The following LOC400499 variants were observed in gnomAD, a reference collection of about 807,000 sequenced individuals.
At chr16:11,374,896 T>C in the LOC400499 span, among the ~76,000 whole-genome samples, 4 of 152,208 alleles carry the variant, frequency 2.6e-5, no homozygotes. Context: ...TCACCCAGGC[T>C]GGAATGCGGT....
At chr16:11,483,570 T>A in the LOC400499 span, among the ~76,000 whole-genome samples, 5 of 152,160 alleles carry the variant, frequency 3.3e-5, no homozygotes, top group Admixed American at 6.5e-5. Flanking sequence ...ATGCTTTTTT[T>A]AAAAAGGACA....
At chr16:11,460,101 C>A in the LOC400499 span, 2 of 1,304,088 alleles carry the variant, frequency 1.5e-6, no homozygotes, top group Non-Finnish European at 2.0e-6. Flanking sequence ...CCCTGCCCAC[C>A]CAGTCCCTGG....
chr16:11,525,026 T>A, the LOC400499 span, among the ~76,000 whole-genome samples: 1 of 152,192 alleles, frequency 6.6e-6, no homozygotes, highest in Non-Finnish European at 1.5e-5. Flanking sequence ...GGCTCATGCC[T>A]GTAATCCCAG....
At chr16:11,395,324 G>T in the LOC400499 span, among the ~76,000 whole-genome samples, 1 of 152,194 alleles carries the variant, frequency 6.6e-6, no homozygotes, top group Non-Finnish European at 1.5e-5. Context: ...ACCCCAGAAT[G>T]GACCAAGTGA....
At chr16:11,432,337 T>C in the LOC400499 span, among the ~76,000 whole-genome samples, 45 of 152,374 alleles carry the variant, frequency 3.0e-4, no homozygotes, top group African/African-American at 1.1e-3. Flanking sequence ...TAGCTTGTTA[T>C]GCAGCAACAT....
At chr16:11,383,595 G>T in the LOC400499 span, 1 of 1,232,080 alleles carries the variant, frequency 8.1e-7, no homozygotes. Context: ...TGGCCTGGAA[G>T]GCAGATGCCA....
chr16:11,514,018 A>T, the LOC400499 span, among the ~76,000 whole-genome samples: 1 of 152,182 alleles, frequency 6.6e-6, no homozygotes, highest in East Asian at 1.9e-4. Context: ...GTTAGCAGGA[A>T]CTTTCTGGAA....
the LOC400499 span, among the ~76,000 whole-genome samples, chr16:11,414,140 C>T: frequency 6.6e-6 from 1 of 152,324 alleles, no homozygotes; most frequent in South Asian, 2.1e-4. Context: ...TCCACACCAG[C>T]CCTGTGATTG....
At chr16:11,443,461 C>A in the LOC400499 span, 1 of 247,434 alleles carries the variant, frequency 4.0e-6, no homozygotes, top group Non-Finnish European at 7.6e-6. Context: ...GAGTGAGACT[C>A]TGTCTTAAAA....
chr16:11,449,595 T>A, the LOC400499 span, among the ~76,000 whole-genome samples: 1 of 152,156 alleles, frequency 6.6e-6, no homozygotes. Flanking sequence ...TTGGCCACCA[T>A]CCCTTGTTCA....
chr16:11,513,201 C>A, the LOC400499 span, among the ~76,000 whole-genome samples: 2,074 of 151,540 alleles, frequency 0.014, 53 homozygotes, highest in African/African-American at 0.048. Flanking sequence ...CCCAAGAGTT[C>A]GAGACCAGCC....
At chr16:11,507,577 A>G in the LOC400499 span, among the ~76,000 whole-genome samples, 7 of 152,250 alleles carry the variant, frequency 4.6e-5, no homozygotes, top group African/African-American at 1.7e-4. Context: ...TGATTAAATT[A>G]GATAACGCAA....
the LOC400499 span, among the ~76,000 whole-genome samples, chr16:11,518,027 A>G: frequency 6.6e-6 from 1 of 152,104 alleles, no homozygotes; most frequent in Non-Finnish European, 1.5e-5. Flanking sequence ...TCAGGCCTTG[A>G]TGGAGAGAAA....
chr16:11,383,956 G>T, the LOC400499 span: 3 of 1,231,884 alleles, frequency 2.4e-6, no homozygotes, highest in Non-Finnish European at 3.0e-6. Flanking sequence ...GAGCTGTCCC[G>T]GGCAGGCCTG....
chr16:11,492,980 G>A, the LOC400499 span, among the ~76,000 whole-genome samples: 1,994 of 152,238 alleles, frequency 0.013, 23 homozygotes, highest in Non-Finnish European at 0.017. Context: ...TGGAGGAAAA[G>A]TGTACCAGGA....
At chr16:11,487,074 T>C in the LOC400499 span, among the ~76,000 whole-genome samples, 14,539 of 151,612 alleles carry the variant, frequency 0.096, 1,406 homozygotes, top group East Asian at 0.3. Context: ...GATGGAGTGA[T>C]GGAGGCATGT....
the LOC400499 span, among the ~76,000 whole-genome samples, chr16:11,386,511 C>T: frequency 6.6e-6 from 1 of 152,240 alleles, no homozygotes; most frequent in African/African-American, 2.4e-5. Flanking sequence ...GTCCCACACA[C>T]ATAAAGCACT....
the LOC400499 span, among the ~76,000 whole-genome samples, chr16:11,389,618 A>G: frequency 0.72 from 108,210 of 149,326 alleles, 40,597 homozygotes; most frequent in Non-Finnish European, 0.82. Context: ...TCAGGAAGTG[A>G]AGGTTTCAGT....
chr16:11,527,414 AG>A, the LOC400499 span, among the ~76,000 whole-genome samples: 1 of 151,964 alleles, frequency 6.6e-6, no homozygotes, highest in Non-Finnish European at 1.5e-5. Flanking sequence ...CTGACCAATG[AG>A]GGGAAAAAAA....
Sources: allele counts gnomAD v4.1 joint callset (sites outside exome capture counted in the v4.1 genomes callset), GRCh38; gene constraint gnomAD v4.1.1; transcripts MANE v1.5.